SHANK2: variants seen among roughly 807,000 people sequenced by gnomAD.
SHANK2 encodes the protein SH3 and multiple ankyrin repeat domains protein 2.
SHANK2 carries 43 observed loss-of-function variants against 133.7 expected under a neutral mutation model. The observed-to-expected ratio is 0.32, with a 90% CI of 0.25 to 0.41. SHANK2 has a LOEUF of 0.41. SHANK2 is among the 10% of genes least tolerant of loss of function. The pLI, the probability that SHANK2 is intolerant of heterozygous loss-of-function variation, is 1.00. For synonymous variants in SHANK2, 1,017 were observed against 952.8 expected (o/e 1.07, Z -1.24); for missense variants, 1,994 against 2,235.8 (o/e 0.89, Z 2.18).
intron 12 of SHANK2, among the ~76,000 whole-genome samples, chr11:70,812,047 A>T (rs185363267): frequency 1.3e-5 from 2 of 152,364 alleles, no homozygotes; most frequent in East Asian, 3.9e-4. Context: ...GCCAGGTGTT[A>T]TGCAAACATC....
chr11:70,490,260 G>A lies in SHANK2; in HGVS notation c.2551+16C>T. 6.2e-7 allele frequency: 1 copy of A among 1,602,092 alleles called. No individual in the cohort carries two copies. Among genetic ancestry groups the A allele is most frequent in the Non-Finnish European group, 8.6e-7 (1 of 1,168,954 alleles). On this transcript the variant is annotated intron_variant, in intron 23 of 25. Transcript: ENST00000601538. ...GCCCAGGGGCAACTTCTGTGGGGGA[G>A]TGCCACACTTCTTACCTATTGATTT...
At chr11:70,736,436 G>A (rs1234724418) in intron 14 of SHANK2, among the ~76,000 whole-genome samples, 1 of 152,144 alleles carries the variant, frequency 6.6e-6, no homozygotes, top group East Asian at 1.9e-4. Flanking sequence ...ATTTCCCAGG[G>A]GGGTCTTAAA....
chr11:71,119,128 C>G, intron 3 of SHANK2, 96 bp from the exon 4 acceptor site: 2 of 1,032,448 alleles, frequency 1.9e-6, no homozygotes, highest in Non-Finnish European at 2.9e-6. Context: ...GCTGCTTCCA[C>G]CCCTTCCCGA....
chr11:71,110,809 T>C (rs1951881139), intron 5 of SHANK2, among the ~76,000 whole-genome samples: 1 of 152,218 alleles, frequency 6.6e-6, no homozygotes, highest in Admixed American at 6.5e-5. Context: ...GCCATCCTAG[T>C]GCTACGGACT....
At chr11:70,562,950 C>A (rs569971332) in intron 17 of SHANK2, among the ~76,000 whole-genome samples, 3 of 152,302 alleles carry the variant, frequency 2.0e-5, no homozygotes, top group East Asian at 3.9e-4. Context: ...CGGCTCACTG[C>A]AACCTCCACC....
intron 14 of SHANK2, among the ~76,000 whole-genome samples, chr11:70,715,501 G>C (rs563596344): frequency 5.3e-5 from 8 of 152,188 alleles, no homozygotes; most frequent in Admixed American, 2.0e-4. Context: ...CTCAGTCTCT[G>C]GTGATGCTTC....
At chr11:71,064,658 T>C (rs1452623033) in intron 9 of SHANK2, among the ~76,000 whole-genome samples, 1 of 136,282 alleles carries the variant, frequency 7.3e-6, no homozygotes, top group Non-Finnish European at 1.6e-5. Flanking sequence ...GTGAGAAGGG[T>C]GGTGGGGACA....
rs78842945 is a variant in SHANK2 at position 70,945,908 on chromosome 11, C to A, written c.1108-49341G>T. 9.9e-5 allele frequency among the ~76,000 whole-genome samples: 15 copies of A among 152,138 alleles called. 1 individual carries two copies. The East Asian group carries it at 2.7e-3, about 28-fold the overall frequency. On this transcript the variant is annotated intron_variant, in intron 10 of 25. Transcript: ENST00000601538. ...TGACCTCAAGTCCTCTCTTTCACAG[C>A]CTCCCTCTCCACTAACCAAACCTTC...
At chr11:70,954,502 C>A (rs974823213) in intron 10 of SHANK2, among the ~76,000 whole-genome samples, 1 of 152,206 alleles carries the variant, frequency 6.6e-6, no homozygotes, top group African/African-American at 2.4e-5. Flanking sequence ...CAGTTTGGAG[C>A]TCTGTGCAAA....
At chr11:70,869,293 A>G (rs1338423692) in intron 11 of SHANK2, among the ~76,000 whole-genome samples, 42 of 152,074 alleles carry the variant, frequency 2.8e-4, no homozygotes, top group Non-Finnish European at 7.4e-5. Context: ...AAACTCATAC[A>G]CCATAGATCC....
chr11:70,506,070 A>G (rs545366300), intron 17 of SHANK2, among the ~76,000 whole-genome samples: 6 of 152,256 alleles, frequency 3.9e-5, no homozygotes, highest in Non-Finnish European at 7.4e-5. Context: ...TTTTCTGGGC[A>G]GGGGAGGCAA....
intron 17 of SHANK2, among the ~76,000 whole-genome samples, chr11:70,628,753 C>G (rs1308747360): frequency 6.6e-6 from 1 of 152,198 alleles, no homozygotes; most frequent in Non-Finnish European, 1.5e-5. Flanking sequence ...GAGGGGCTGC[C>G]GAAGTTTCGG....
At position 70,537,652 on chromosome 11, in the gene SHANK2, G is replaced by A. The variant is rs116312047; in HGVS notation, c.2062-34721C>T. On this transcript the variant is annotated intron_variant, in intron 17 of 25. Coordinates refer to ENST00000601538, the MANE Select transcript of SHANK2 (RefSeq NM_012309.5). ...GACTGTAGGGGAACACATTCCCCTT[G>A]CTTGAAGCTGCCCCGTTTGTAGCCA... is the stretch of plus-strand genomic sequence containing the variant. Among the ~76,000 whole-genome samples, 555 of 152,364 alleles carry A rather than the reference G, an allele frequency of 3.6e-3. 3 individuals carry two copies. The highest frequency in any genetic ancestry group is 0.013 in the African/African-American group (534 of 41,600).
rs1474641028 is a variant in SHANK2, at chr11:70,717,672, A to G, written c.1778-18909T>C. 6.6e-6 allele frequency among the ~76,000 whole-genome samples: 1 copy of G among 151,876 alleles called. No homozygotes were observed. The highest frequency in any genetic ancestry group is 1.5e-5 in the Non-Finnish European group (1 of 67,978). ...AGCCCACAGCGTACCTCCAAAATGA[A>G]CTTTCTTCTTGAACCGTGAATTCTC... On this transcript the variant is annotated intron_variant, in intron 14 of 25. Coordinates refer to ENST00000601538, the MANE Select transcript of SHANK2 (RefSeq NM_012309.5).
chr11:71,059,021 C>T (rs1042135174), intron 9 of SHANK2, among the ~76,000 whole-genome samples: 1 of 152,258 alleles, frequency 6.6e-6, no homozygotes, highest in African/African-American at 2.4e-5. Context: ...TCAAGACCAG[C>T]CTGGCAACAA....
chr11:70,874,158 T>A (rs938350946), intron 11 of SHANK2, among the ~76,000 whole-genome samples: 1 of 152,082 alleles, frequency 6.6e-6, no homozygotes, highest in Non-Finnish European at 1.5e-5. Context: ...TCCATATCTA[T>A]CTAATCTATC....
intron 2 of SHANK2, among the ~76,000 whole-genome samples, chr11:71,217,223 G>A (rs541681301): frequency 2.8e-5 from 4 of 141,130 alleles, no homozygotes; most frequent in African/African-American, 1.1e-4. Flanking sequence ...AGTAAACTAG[G>A]GGCCAGGTGC....
intron 11 of SHANK2, chr11:70,862,755 G>T (rs1185977857): frequency 7.2e-6 from 2 of 278,032 alleles, no homozygotes; most frequent in Admixed American, 5.1e-5. Context: ...TGCTTGGGGT[G>T]GGGGTGGGGA....
intron 2 of SHANK2, among the ~76,000 whole-genome samples, chr11:71,201,471 C>T (rs1417203539): frequency 1.2e-4 from 18 of 152,220 alleles, no homozygotes; most frequent in African/African-American, 2.9e-4. Flanking sequence ...CCATGATGGT[C>T]GGAGCTGCTG....
Sources: allele counts gnomAD v4.1 joint callset (sites outside exome capture counted in the v4.1 genomes callset), GRCh38; gene constraint gnomAD v4.1.1; transcripts MANE v1.5; gene names NCBI Gene and HGNC (gene_info 2026-07-23, HGNC 2026-07-21).